The following IRS2 variants were observed in gnomAD, a reference collection of about 807,000 sequenced individuals.
The protein encoded by IRS2 is insulin receptor substrate 2.
IRS2 carries 28 observed loss-of-function variants against 70.9 expected under a neutral mutation model. That is an observed-to-expected ratio of 0.39 (90% CI 0.29 to 0.54). The LOEUF is 0.54. Among genes scored for constraint, IRS2 ranks in the 20% least tolerant of loss-of-function variants. The pLI, the probability that IRS2 is intolerant of heterozygous loss-of-function variation, is 0.59. For synonymous variants in IRS2, 1,217 were observed against 981.9 expected (o/e 1.24, Z -4.48); for missense variants, 2,081 against 2,024.1 (o/e 1.03, Z -0.54).
chr13:109,777,000 C>T (rs192434744), intron 1 of IRS2, among the ~76,000 whole-genome samples: 19 of 152,264 alleles, frequency 1.2e-4, no homozygotes, highest in Admixed American at 7.8e-4. Flanking sequence ...TTCATTAAAA[C>T]GCCAACATTA....
rs757062133 is a variant in IRS2, at chr13:109,783,697, G to T, written c.2357C>A (p.Ala786Glu). The stretch of plus-strand genomic sequence containing the variant: ...CGGCTCCCCGCCGGGGTGCAGGGCT[G>T]CGGAGAAGAAGTCGGGCGGGGTGCC... ...TTGTPPDFFS[A>E]ALHPGGEPLR... Residue 786 changes from alanine (A) to glutamate (E), a missense_variant, in exon 1 of 2, where the codon GCA becomes GAA. Physicochemically the swap from Ala to Glu is moderately radical, Grantham distance 107. Transcript: ENST00000375856. 9.6e-6 allele frequency: 15 copies of T among 1,564,946 alleles called. 1 individual carries two copies. The South Asian group carries it at 1.7e-4, about 18-fold the overall frequency.
intron 1 of IRS2, among the ~76,000 whole-genome samples, chr13:109,780,030 A>G (rs535302941): frequency 6.6e-6 from 1 of 152,234 alleles, no homozygotes; most frequent in East Asian, 1.9e-4. Context: ...GCGTCCCTCC[A>G]GGCCTGGAGG....
chr13:109,784,397 C>T lies in IRS2; in HGVS notation c.1657G>A (p.Gly553Ser), dbSNP rs538495683. The change falls in exon 1 of 2, where the codon GGC becomes AGC. Residue 553 changes from glycine (G) to serine (S), a missense_variant. By Grantham distance (56) the Gly-to-Ser change is moderately conservative. Around this residue, in one of 4 missense-constraint regions of IRS2, gnomAD observed 1,615 missense variants for 1,459.5 expected, o/e 1.11. Coordinates refer to ENST00000375856, the MANE Select transcript of IRS2 (RefSeq NM_003749.3). The surrounding 1 kb of genome is among the most constrained non-coding windows in gnomAD (Gnocchi z 5.2). ...CCCGAGACCCGGCGGTAGGAGCGGC[C>T]ACAGTGGCTCAGGGGCCTGTCCATG... ...MTMDRPLSHC[G>S]RSYRRVSGDA... 2 of 1,610,592 alleles carry T rather than the reference C, an allele frequency of 1.2e-6. No individual in the cohort carries two copies. Among genetic ancestry groups the T allele is most frequent in the Admixed American group, 1.7e-5 (1 of 59,950 alleles).
At position 109,784,783 on chromosome 13, in the gene IRS2, G is replaced by A. The variant is rs954319071; in HGVS notation, c.1271C>T (p.Ala424Val). The A allele has an allele frequency of 9.5e-6, 12 of 1,256,676 alleles. No individual in the cohort carries two copies. The African/African-American group carries it at 1.7e-4, about 18-fold the overall frequency. 77.8% of individuals were successfully genotyped at this position (1,256,676 alleles called of 1,614,324 possible). ...SKVALLPAGGALQHSRSMSMP... is the reference protein window; with the variant it reads ...SKVALLPAGGVLQHSRSMSMP... Reference sequence around the variant, plus strand: ...GGACATGGAGCGGCTGTGTTGCAGCGCGCCCCCTGCCGGCAGCAGCGCCAC... The same window carrying A: ...GGACATGGAGCGGCTGTGTTGCAGCACGCCCCCTGCCGGCAGCAGCGCCAC... The change falls in exon 1 of 2, where the codon GCG becomes GTG. Residue 424 changes from alanine to valine, a missense_variant. Transcript: ENST00000375856. The surrounding 1 kb of genome is among the most constrained non-coding windows in gnomAD (Gnocchi z 5.2).
In IRS2 at chr13:109,754,763, T is replaced by G. The variant is rs1877065984; in HGVS notation, c.*1541A>C. The G allele has an allele frequency of 5.2e-6, 1 of 193,628 alleles. No individual in the cohort carries two copies. The highest frequency in any genetic ancestry group is 2.3e-5 in the African/African-American group (1 of 43,084). 12.0% of individuals were successfully genotyped at this position (193,628 alleles called of 1,614,324 possible). The stretch of plus-strand genomic sequence containing the variant: ...ATTTTTAAGACATTGAATTTTTTGG[T>G]CTTCCTCTAAAAAAGCCTCATTTTA... On this transcript the variant is annotated 3_prime_UTR_variant, in exon 2 of 2. Coordinates refer to ENST00000375856, the MANE Select transcript of IRS2 (RefSeq NM_003749.3).
At position 109,785,520 on chromosome 13, in the gene IRS2, G is replaced by A. The variant is rs945215028; in HGVS notation, c.534C>T (p.Ala178=). 8.7e-6 allele frequency: 14 copies of A among 1,600,224 alleles called. No individual in the cohort carries two copies. Among genetic ancestry groups the A allele is most frequent in the African/African-American group, 1.3e-5 (1 of 74,434 alleles). The change falls in exon 1 of 2, where the codon GCC becomes GCT. Residue 178 remains alanine, a synonymous_variant. Transcript: ENST00000375856. The surrounding 1 kb of genome is among the most constrained non-coding windows in gnomAD (Gnocchi z 9.3). ...PGALGGSAGA[A]GAEDSYGLVA... ...CCAGCCCGTAGCTGTCCTCGGCCCC[G>A]GCGGCGCCGGCAGAGCCGCCCAGGG... is the stretch of plus-strand genomic sequence containing the variant.
rs1877753993 is a variant in IRS2, at chr13:109,782,795, T to C, written c.3259A>G (p.Ile1087Val). ...GCTTCTGGCTTCGGGGGGGCCGCGA[T>C]AGGTTGCGGCGGGGTGGCGGCCACA... Reference protein sequence around the residue: ...FGVAATPPQPIAAPPKPEAAR... With the variant: ...FGVAATPPQPVAAPPKPEAAR... The change falls in exon 1 of 2, where the codon ATC becomes GTC. Residue 1087 changes from isoleucine (I) to valine (V), a missense_variant. Transcript: ENST00000375856. The C allele has an allele frequency of 1.2e-6, 2 of 1,602,746 alleles. No homozygotes were observed. The highest frequency in any genetic ancestry group is 1.1e-5 in the South Asian group (1 of 89,450).
chr13:109,769,241 T>C (rs1877400132), intron 1 of IRS2, among the ~76,000 whole-genome samples: 4 of 152,222 alleles, frequency 2.6e-5, no homozygotes, highest in African/African-American at 9.7e-5. Flanking sequence ...GATGATGGAA[T>C]TGATGGCTAC....
rs769018837 is a variant in IRS2, at chr13:109,785,022, G to C, written c.1032C>G (p.Thr344=). The C allele has an allele frequency of 5.4e-5, 80 of 1,475,692 alleles. No individual in the cohort carries two copies. The highest frequency in any genetic ancestry group is 1.4e-5 in the African/African-American group (1 of 69,666). 91.4% of individuals were successfully genotyped at this position (1,475,692 alleles called of 1,614,324 possible). ...CCGGCGGGGTGGCGGCCAGGCTGTC[G>C]GTGCGCGAGCGGCGCACCAGGCCCG... The part of the protein sequence containing the change: ...SQTGLVRRSR[T]DSLAATPPAA... The change falls in exon 1 of 2, where the codon ACC becomes ACG. Residue 344 remains threonine, a synonymous_variant. Transcript: ENST00000375856. The surrounding 1 kb of genome is among the most constrained non-coding windows in gnomAD (Gnocchi z 9.3).
intron 1 of IRS2, among the ~76,000 whole-genome samples, chr13:109,775,445 A>G (rs1444207730): frequency 6.6e-6 from 1 of 152,172 alleles, no homozygotes; most frequent in Non-Finnish European, 1.5e-5. Context: ...TAACATAAAC[A>G]TAAGGATTTT....
Position 109,786,074 on chromosome 13 carries a change from C to A in IRS2, c.-21G>T. 9.3e-7 allele frequency: 1 copy of A among 1,079,432 alleles called. No homozygotes were observed. Among genetic ancestry groups the A allele is most frequent in the Non-Finnish European group, 1.1e-6 (1 of 896,460 alleles). The allele number at this position is 1,079,432 out of a possible 1,614,324, so 66.9% of individuals were successfully genotyped here. ...GCCATCGCGGGCGCTTCAGGCCGCG[C>A]GGCCCGGGCCCGGCGCCCAGGGGTT... On this transcript the variant is annotated 5_prime_UTR_variant, in exon 1 of 2. Transcript: ENST00000375856. The surrounding 1 kb of genome is among the most constrained non-coding windows in gnomAD (Gnocchi z 4.4).
intron 1 of IRS2, among the ~76,000 whole-genome samples, chr13:109,762,317 C>T (rs554231481): frequency 5.3e-4 from 81 of 152,312 alleles, no homozygotes; most frequent in Non-Finnish European, 7.4e-5. Flanking sequence ...CCAAGAATTG[C>T]GGGTGGACCC....
At chr13:109,772,242 G>A (rs929965631) in intron 1 of IRS2, among the ~76,000 whole-genome samples, 4 of 152,114 alleles carry the variant, frequency 2.6e-5, no homozygotes, top group Admixed American at 6.5e-5. Flanking sequence ...TTCATAGCAC[G>A]GAGCGGTGCA....
At chr13:109,773,832 G>A (rs1303055386) in intron 1 of IRS2, among the ~76,000 whole-genome samples, 1 of 152,180 alleles carries the variant, frequency 6.6e-6, no homozygotes, top group Non-Finnish European at 1.5e-5. Context: ...ATACTAAGTT[G>A]TTCTAAAGAG....
Position 109,783,502 on chromosome 13 carries a change from G to A in IRS2, c.2552C>T (p.Ala851Val), listed in dbSNP as rs753083740. 20 of 1,546,684 alleles carry A rather than the reference G, an allele frequency of 1.3e-5. No individual in the cohort carries two copies. Among genetic ancestry groups the A allele is most frequent in the Non-Finnish European group, 1.7e-5 (20 of 1,146,036 alleles). ...CGTGGGGCCGGCCCCGAAGGCGCTG[G>A]CCGCCTGGCTGGGCCCTGGCGTGGC... The part of the protein sequence containing the change: ...PQATPGPSQA[A>V]SAFGAGPTQP... Residue 851 changes from alanine (A) to valine (V), a missense_variant, in exon 1 of 2, where the codon GCC becomes GTC. Around this residue, in one of 4 missense-constraint regions of IRS2, gnomAD observed 1,615 missense variants for 1,459.5 expected, o/e 1.11. Coordinates refer to ENST00000375856, the MANE Select transcript of IRS2 (RefSeq NM_003749.3).
In IRS2 at chr13:109,784,400, A is replaced by T; in HGVS notation, c.1654T>A (p.Cys552Ser). 6.2e-7 allele frequency: 1 copy of T among 1,610,144 alleles called. No individual in the cohort carries two copies. The highest frequency in any genetic ancestry group is 8.5e-7 in the Non-Finnish European group (1 of 1,179,208). ...GAGACCCGGCGGTAGGAGCGGCCAC[A>T]GTGGCTCAGGGGCCTGTCCATGGTC... ...YMTMDRPLSHCGRSYRRVSGD... is the reference protein window; with the variant it reads ...YMTMDRPLSHSGRSYRRVSGD... Residue 552 changes from cysteine to serine, a missense_variant, in exon 1 of 2, where the codon TGT (cysteine) becomes AGT (serine). Cys to Ser is a moderately radical substitution (Grantham distance 112, BLOSUM62 -1). Around this residue, in one of 4 missense-constraint regions of IRS2, gnomAD observed 1,615 missense variants for 1,459.5 expected, o/e 1.11. Transcript: ENST00000375856. This position sits in a 1 kb window ranked among gnomAD's most constrained non-coding sequence, Gnocchi z 5.2.
chr13:109,761,056 G>A (rs1487532043), intron 1 of IRS2, among the ~76,000 whole-genome samples: 1 of 152,206 alleles, frequency 6.6e-6, no homozygotes, highest in Non-Finnish European at 1.5e-5. Context: ...ATTTGGGTTT[G>A]GACATGTTTG....
chr13:109,785,385 C>CGCG lies in IRS2; in HGVS notation c.668_669insCGC (p.Ala223dup). The CGCG allele has an allele frequency of 6.2e-7, 1 of 1,612,504 alleles. No homozygotes were observed. The highest frequency in any genetic ancestry group is 8.5e-7 in the Non-Finnish European group (1 of 1,179,900). Reference sequence around the variant, plus strand: ...TGAGCTTCACGAAGCCGATGGTGCGCGCAGACAGGCACAGACGGTACACCC... The same window carrying CGCG: ...TGAGCTTCACGAAGCCGATGGTGCGCGCGGCAGACAGGCACAGACGGTACACCC... On this transcript the variant is annotated inframe_insertion, in exon 1 of 2. Transcript: ENST00000375856. This position sits in a 1 kb window ranked among gnomAD's most constrained non-coding sequence, Gnocchi z 9.3.
At position 109,782,097 on chromosome 13, in the gene IRS2, G is replaced by A; in HGVS notation, c.3957C>T (p.Thr1319=). 1.9e-6 allele frequency: 3 copies of A among 1,612,328 alleles called. No individual in the cohort carries two copies. Among genetic ancestry groups the A allele is most frequent in the African/African-American group, 1.3e-5 (1 of 75,030 alleles). The change falls in exon 1 of 2, where the codon ACC becomes ACT. Residue 1319 remains threonine (T), a synonymous_variant. Coordinates refer to ENST00000375856, the MANE Select transcript of IRS2 (RefSeq NM_003749.3). ...GGGACAAGAAGTCAATGCTGGCGTA[G>A]GTGTTGGCAGGGGGCAGGGCACCGG... ...PGPGALPPAN[T]YASIDFLSHH... is the part of the protein sequence containing the mutation.
Sources: gnomAD v4.1 joint callset for allele counts (sites outside exome capture counted in the v4.1 genomes callset) on GRCh38, gnomAD v4.1.1 for gene constraint, gnomAD v4.1.1 regional missense constraint, Gnocchi (gnomAD v3.1) non-coding constraint, MANE v1.5 for transcripts, NCBI Gene and HGNC (gene_info 2026-07-23, HGNC 2026-07-21) for gene names.